SCD5: variants seen among roughly 807,000 people sequenced by gnomAD.
SCD5 encodes stearoyl-CoA desaturase 5.
Under a neutral mutation model 30.4 loss-of-function variants are expected in SCD5, and 20 were observed. The ratio of observed to expected loss-of-function variants is 0.66; its 90% CI spans 0.46 to 0.96. The LOEUF is 0.96. Among genes scored for constraint, SCD5 ranks in the 40% least tolerant of loss-of-function variants. The pLI, the probability that SCD5 is intolerant of heterozygous loss-of-function variation, is 0.00. For missense variants in SCD5, 381 were observed against 443.3 expected (o/e 0.86, Z 1.26); for synonymous variants, 173 against 176.4 (o/e 0.98, Z 0.16).
At chr4:82,697,659 T>C (rs1198846919) in intron 2 of SCD5, among the ~76,000 whole-genome samples, 2 of 152,162 alleles carry the variant, frequency 1.3e-5, no homozygotes, top group Non-Finnish European at 2.9e-5. Flanking sequence ...TCATTTTTGT[T>C]GGTAGAAAGT....
chr4:82,679,296 G>GAAAGAA (rs1560531798), intron 3 of SCD5, among the ~76,000 whole-genome samples: 13 of 146,932 alleles, frequency 8.8e-5, no homozygotes, highest in African/African-American at 3.2e-4. Context: ...AGGAAAGAAA[G>GAAAGAA]AAAGAAAACA....
chr4:82,709,180 C>T (rs1338918703), intron 1 of SCD5, among the ~76,000 whole-genome samples: 2 of 152,166 alleles, frequency 1.3e-5, no homozygotes, highest in African/African-American at 4.8e-5. Context: ...TCCTTTTAGC[C>T]AGCTCAAAAC....
At position 82,798,682 on chromosome 4, in the gene SCD5, G is replaced by A; in HGVS notation, c.-145C>T. On this transcript the variant is annotated 5_prime_UTR_variant, in exon 1 of 5. Transcript: ENST00000319540. ...CCCCTCCTTCCAGCCCTTCTCCCGG[G>A]CTCCTGCGCTCTTCCCCAGGGTCTT... 2 of 693,462 alleles carry A rather than the reference G, an allele frequency of 2.9e-6. No homozygotes were observed. Among genetic ancestry groups the A allele is most frequent in the Non-Finnish European group, 4.7e-6 (2 of 427,318 alleles). 43.0% of individuals were successfully genotyped at this position (693,462 alleles called of 1,614,324 possible). A position where few individuals can be genotyped will look rare whatever the true frequency, so the allele number is the denominator to read the frequency against.
intron 3 of SCD5, among the ~76,000 whole-genome samples, chr4:82,658,820 G>A (rs2148816323): frequency 5.3e-5 from 1 of 18,746 alleles, no homozygotes. Flanking sequence ...TCTCTGCCAG[G>A]TTTTGGTATC....
rs3972726 is a variant in SCD5 at position 82,635,619 on chromosome 4, TA to T, written c.802+971del. ...CTGGCAACAGAGCGAGACTCCGTCT[TA>T]AAAAAAAAAAAAAAAAAGCAACATC... On this transcript the variant is annotated intron_variant, in intron 4 of 4. Transcript: ENST00000319540. Among the ~76,000 whole-genome samples the T allele has an allele frequency of 1.7e-4, 20 of 114,474 alleles. 1 individual carries two copies. The highest frequency in any genetic ancestry group is 3.1e-4 in the South Asian group (1 of 3,268). 75.1% of individuals were successfully genotyped at this position (114,474 alleles called of 152,430 possible). A position where few individuals can be genotyped will look rare whatever the true frequency, so the allele number is the denominator to read the frequency against.
intron 3 of SCD5, among the ~76,000 whole-genome samples, chr4:82,662,298 T>C (rs1578010388): frequency 1.3e-5 from 2 of 152,044 alleles, no homozygotes; most frequent in African/African-American, 4.8e-5. Flanking sequence ...AGCAATTCTC[T>C]CACCTCAGCC....
At chr4:82,795,237 G>A (rs1373513085) in intron 1 of SCD5, among the ~76,000 whole-genome samples, 1 of 152,168 alleles carries the variant, frequency 6.6e-6, no homozygotes, top group Non-Finnish European at 1.5e-5. Context: ...ACCTCATCTG[G>A]TGTGGAGGGT....
intron 3 of SCD5, among the ~76,000 whole-genome samples, chr4:82,666,514 CA>C (rs1357583806): frequency 7.8e-5 from 11 of 140,194 alleles, no homozygotes; most frequent in Admixed American, 7.2e-5. Context: ...GACTCCGTCT[CA>C]AAAAAAAAAG....
At chr4:82,683,466 CA>C (rs1156972599) in intron 2 of SCD5, among the ~76,000 whole-genome samples, 1 of 152,220 alleles carries the variant, frequency 6.6e-6, no homozygotes, top group Non-Finnish European at 1.5e-5. Flanking sequence ...GTTCATCCAA[CA>C]AATCAAAACA....
chr4:82,640,459 T>C (rs932070105), intron 3 of SCD5, among the ~76,000 whole-genome samples: 1 of 152,242 alleles, frequency 6.6e-6, no homozygotes. Context: ...ATTCTCTGTA[T>C]TGTCTTCCCT....
intron 1 of SCD5, among the ~76,000 whole-genome samples, chr4:82,770,868 C>T (rs375133926): frequency 5.3e-5 from 8 of 152,320 alleles, no homozygotes; most frequent in African/African-American, 1.9e-4. Context: ...CTCTCGTCCT[C>T]TGAGGCATGT....
At chr4:82,645,041 C>T (rs938644954) in intron 3 of SCD5, among the ~76,000 whole-genome samples, 4 of 152,116 alleles carry the variant, frequency 2.6e-5, no homozygotes, top group Admixed American at 2.0e-4. Flanking sequence ...GGCCAGGCAC[C>T]GGTGGCTCAC....
chr4:82,761,678 C>T (rs933548217), intron 1 of SCD5, among the ~76,000 whole-genome samples: 2 of 152,014 alleles, frequency 1.3e-5, no homozygotes, highest in African/African-American at 2.4e-5. Context: ...GCACTGCACC[C>T]ACTAACTCGT....
chr4:82,741,091 G>A (rs962901246), intron 1 of SCD5, among the ~76,000 whole-genome samples: 2 of 135,358 alleles, frequency 1.5e-5, no homozygotes, highest in African/African-American at 3.0e-5. Flanking sequence ...ACAGGCGTGT[G>A]CCAGCTAATT....
chr4:82,797,128 T>C (rs1560566430), intron 1 of SCD5, among the ~76,000 whole-genome samples: 1 of 152,144 alleles, frequency 6.6e-6, no homozygotes, highest in Non-Finnish European at 1.5e-5. Context: ...GGAACCATAG[T>C]GGCCCCATTA....
Position 82,716,205 on chromosome 4 carries a change from T to C in SCD5, c.233-10792A>G, listed in dbSNP as rs374118273. ...TCTCTTCCGGGTGTCGGGGAGATCATTTACTAGGCATGGGAATCAAAGCTC... is the reference window on the plus strand; with the variant it reads ...TCTCTTCCGGGTGTCGGGGAGATCACTTACTAGGCATGGGAATCAAAGCTC... On this transcript the variant is annotated intron_variant, in intron 1 of 4. Coordinates refer to ENST00000319540, the MANE Select transcript of SCD5 (RefSeq NM_001037582.3). 9.2e-5 allele frequency among the ~76,000 whole-genome samples: 14 copies of C among 151,658 alleles called. 2 individuals carry two copies. The highest frequency in any genetic ancestry group is 3.2e-4 in the African/African-American group (13 of 40,998).
At chr4:82,690,617 A>C (rs899237139) in intron 2 of SCD5, among the ~76,000 whole-genome samples, 5 of 152,208 alleles carry the variant, frequency 3.3e-5, no homozygotes, top group Non-Finnish European at 5.9e-5. Flanking sequence ...CATACTGTTA[A>C]CATCCTCTTT....
At chr4:82,742,005 G>A (rs1368125219) in intron 1 of SCD5, among the ~76,000 whole-genome samples, 9 of 151,300 alleles carry the variant, frequency 5.9e-5, no homozygotes, top group East Asian at 1.9e-4. Context: ...GCGTGAAACC[G>A]GGAGGTGGAG....
chr4:82,656,786 C>T (rs10034935), intron 3 of SCD5, among the ~76,000 whole-genome samples: 1 of 151,928 alleles, frequency 6.6e-6, no homozygotes, highest in African/African-American at 2.4e-5. Flanking sequence ...TTTTAATGAT[C>T]GCCATTGTAA....
Sources: gnomAD v4.1 joint callset for allele counts (sites outside exome capture counted in the v4.1 genomes callset) on GRCh38, gnomAD v4.1.1 for gene constraint, MANE v1.5 for transcripts, NCBI Gene and HGNC (gene_info 2026-07-23, HGNC 2026-07-21) for gene names.